Variants in TTBK2 observed in about 807,000 individuals in gnomAD.
The protein encoded by TTBK2 is tau tubulin kinase 2.
Under a neutral mutation model 110.8 loss-of-function variants are expected in TTBK2, and 28 were observed. The observed-to-expected ratio is 0.25, with a 90% CI of 0.19 to 0.35. The LOEUF (loss-of-function observed/expected upper bound fraction) is 0.35. TTBK2 is among the 10% of genes least tolerant of loss of function. TTBK2 has a pLI of 1.00. For synonymous variants in TTBK2, 532 were observed against 527.3 expected (o/e 1.01, Z -0.12); for missense variants, 1,369 against 1,500.3 (o/e 0.91, Z 1.45).
intron 4 of TTBK2, among the ~76,000 whole-genome samples, chr15:42,830,810 C>G (rs904789146): frequency 1.3e-5 from 2 of 151,892 alleles, no homozygotes; most frequent in African/African-American, 4.8e-5. Context: ...TTGAGACTAT[C>G]CTGGCTAACA....
chr15:42,841,645 C>T (rs934086641), intron 3 of TTBK2, among the ~76,000 whole-genome samples: 5 of 152,014 alleles, frequency 3.3e-5, no homozygotes, highest in African/African-American at 1.2e-4. Context: ...GGCAATGAGG[C>T]GGGTAGACCA....
At chr15:42,815,945 TA>T (rs1467640531) in intron 7 of TTBK2, among the ~76,000 whole-genome samples, 51 of 23,502 alleles carry the variant, frequency 2.2e-3, no homozygotes, top group Admixed American at 6.4e-3. Flanking sequence ...TATATATATA[TA>T]TTTAAAAAAA....
chr15:42,794,372 C>T (rs1595916950), intron 10 of TTBK2, among the ~76,000 whole-genome samples: 3 of 152,060 alleles, frequency 2.0e-5, no homozygotes, highest in Non-Finnish European at 4.4e-5. Context: ...TAATGCTGGT[C>T]CTCATTTTGA....
In TTBK2 at chr15:42,777,150, A is replaced by G; in HGVS notation, c.1290T>C (p.Ile430=). 4 of 1,614,224 alleles carry G rather than the reference A, an allele frequency of 2.5e-6. No individual in the cohort carries two copies. Among genetic ancestry groups the G allele is most frequent in the Non-Finnish European group, 3.4e-6 (4 of 1,180,046 alleles). The part of the protein sequence containing the change: ...LGSPIRVRSE[I]TQPDRDIPLV... ...GTGGAATATCTCTGTCTGGCTGAGTAATCTCTGAGCGGACACGAATTGGTG... is the reference window on the plus strand; with the variant it reads ...GTGGAATATCTCTGTCTGGCTGAGTGATCTCTGAGCGGACACGAATTGGTG... Residue 430 remains isoleucine, a synonymous_variant, in exon 12 of 15, where the codon ATT becomes ATC. Coordinates refer to ENST00000267890, the MANE Select transcript of TTBK2 (RefSeq NM_173500.4).
intron 7 of TTBK2, among the ~76,000 whole-genome samples, chr15:42,815,621 T>C (rs1891905633): frequency 6.6e-6 from 1 of 151,522 alleles, no homozygotes; most frequent in Non-Finnish European, 1.5e-5. Context: ...GGGAGATATT[T>C]TTAAAATTTA....
chr15:42,868,167 G>A (rs904009353), intron 3 of TTBK2, among the ~76,000 whole-genome samples: 2 of 151,786 alleles, frequency 1.3e-5, no homozygotes, highest in Non-Finnish European at 1.5e-5. Flanking sequence ...TAAAAATAGA[G>A]AGAGATGGTT....
intron 13 of TTBK2, among the ~76,000 whole-genome samples, chr15:42,756,834 C>T (rs1004299017): frequency 2.0e-5 from 3 of 151,598 alleles, no homozygotes; most frequent in African/African-American, 7.3e-5. Context: ...GAGTTTGAGA[C>T]CAGCCTGGGC....
At chr15:42,843,869 A>G (rs951719908) in intron 3 of TTBK2, among the ~76,000 whole-genome samples, 6 of 151,954 alleles carry the variant, frequency 3.9e-5, no homozygotes, top group African/African-American at 1.2e-4. Context: ...TAGTGGACCA[A>G]CTGACACCAC....
chr15:42,802,267 CG>C (rs1567032980), intron 9 of TTBK2: 2 of 801,696 alleles, frequency 2.5e-6, no homozygotes, highest in Non-Finnish European at 4.4e-6. Context: ...CAGGCCACCC[CG>C]GAAGCTGCTG....
chr15:42,787,303 C>T (rs78925824), intron 10 of TTBK2, among the ~76,000 whole-genome samples: 1,914 of 152,272 alleles, frequency 0.013, 39 homozygotes, highest in African/African-American at 0.043. Context: ...AAAGCGTCCT[C>T]TTACCTTCTA....
In TTBK2 at chr15:42,744,192, C is replaced by T. The variant is rs867061542; in HGVS notation, c.*1603G>A. 2 of 152,012 alleles carry T rather than the reference C, an allele frequency of 1.3e-5. No homozygotes were observed. Among genetic ancestry groups the T allele is most frequent in the African/African-American group, 4.8e-5 (2 of 41,398 alleles). The allele number at this position is 152,012 out of a possible 1,614,324, so 9.4% of individuals were successfully genotyped here. On this transcript the variant is annotated 3_prime_UTR_variant, in exon 15 of 15. Coordinates refer to ENST00000267890, the MANE Select transcript of TTBK2 (RefSeq NM_173500.4). ...ACTATGCTACATTTCTTATAAGAGA[C>T]GTTATATGCCTCAATAGTGTTTTGA...
At chr15:42,746,423 C>T (rs2061796173) in intron 14 of TTBK2, among the ~76,000 whole-genome samples, 166 bp from the exon 15 acceptor site, 1 of 152,180 alleles carries the variant, frequency 6.6e-6, no homozygotes, top group Non-Finnish European at 1.5e-5. Context: ...TGGACAAATT[C>T]TTCAATCTCT....
intron 7 of TTBK2, among the ~76,000 whole-genome samples, chr15:42,816,059 T>A (rs1257186472): frequency 9.5e-5 from 10 of 105,312 alleles, no homozygotes; most frequent in Admixed American, 5.9e-4. Flanking sequence ...TATATAAAAA[T>A]ATATATATAT....
intron 4 of TTBK2, among the ~76,000 whole-genome samples, chr15:42,832,946 T>C (rs888194004): frequency 2.0e-5 from 3 of 152,082 alleles, no homozygotes; most frequent in Non-Finnish European, 4.4e-5. Context: ...ACATAAATAA[T>C]AGTACAGTCA....
Position 42,752,978 on chromosome 15 carries a change from T to G in TTBK2, c.2268A>C (p.Pro756=). The change falls in exon 14 of 15, where the codon CCA becomes CCC. Residue 756 remains proline, a synonymous_variant. Coordinates refer to ENST00000267890, the MANE Select transcript of TTBK2 (RefSeq NM_173500.4). ...RESNKSQDLG[P]KELPDHNRLV... ...GTCTATTATGATCAGGAAGTTCTTT[T>G]GGTCCCAGGTCTTGAGATTTGTTAC... The G allele has an allele frequency of 6.2e-7, 1 of 1,614,262 alleles. No individual in the cohort carries two copies. Among genetic ancestry groups the G allele is most frequent in the African/African-American group, 1.3e-5 (1 of 75,072 alleles).
At chr15:42,915,074 T>C (rs1054229691) in intron 1 of TTBK2, among the ~76,000 whole-genome samples, 2 of 152,230 alleles carry the variant, frequency 1.3e-5, no homozygotes, top group Non-Finnish European at 2.9e-5. Flanking sequence ...TACACAGTAA[T>C]CCCCCTTATC....
chr15:42,878,150 C>T (rs1894889433), intron 2 of TTBK2, among the ~76,000 whole-genome samples: 1 of 138,184 alleles, frequency 7.2e-6, no homozygotes. Context: ...ATTTTTTTTG[C>T]TTTTTTTTTT....
chr15:42,902,043 C>T (rs796997052), intron 1 of TTBK2, among the ~76,000 whole-genome samples: 1 of 151,748 alleles, frequency 6.6e-6, no homozygotes, highest in Non-Finnish European at 1.5e-5. Context: ...TGGTGAAACC[C>T]CATCTCTACT....
At chr15:42,791,445 C>G (rs1350448977) in intron 10 of TTBK2, among the ~76,000 whole-genome samples, 6 of 152,212 alleles carry the variant, frequency 3.9e-5, no homozygotes, top group Non-Finnish European at 8.8e-5. Flanking sequence ...ATTTGCATTA[C>G]CTTCTCTCTA....
Sources: allele counts gnomAD v4.1 joint callset (sites outside exome capture counted in the v4.1 genomes callset), GRCh38; gene constraint gnomAD v4.1.1; transcripts MANE v1.5; gene names NCBI Gene and HGNC (gene_info 2026-07-23, HGNC 2026-07-21).